The following ZBTB20 variants were observed in gnomAD, a reference collection of about 807,000 sequenced individuals.
The protein encoded by ZBTB20 is zinc finger and BTB domain-containing protein 20.
In ZBTB20, 9 loss-of-function variants were observed where a neutral mutation model predicts 56.9. The observed-to-expected ratio is 0.16, with a 90% CI of 0.10 to 0.28. The LOEUF (loss-of-function observed/expected upper bound fraction) is 0.28, where lower values mean the gene tolerates loss of function less well. ZBTB20 is among the 10% of genes least tolerant of loss of function. ZBTB20 has a pLI of 1.00. For synonymous variants in ZBTB20, 417 were observed against 420.7 expected (o/e 0.99, Z 0.11); for missense variants, 655 against 1,003.0 (o/e 0.65, Z 4.69).
chr3:114,532,539 G>T (rs937953017), intron 6 of ZBTB20, among the ~76,000 whole-genome samples: 2 of 152,182 alleles, frequency 1.3e-5, no homozygotes, highest in African/African-American at 2.4e-5. Flanking sequence ...GCACCTGGGG[G>T]AAGGGGCAGC....
chr3:114,794,773 T>TA lies in ZBTB20; in HGVS notation c.-343+6327dup, dbSNP rs550199045. Among the ~76,000 whole-genome samples the TA allele has an allele frequency of 7.2e-5, 11 of 152,090 alleles. No homozygotes were observed. The South Asian group carries it at 2.1e-3, about 29-fold the overall frequency. Reference sequence around the variant, plus strand: ...TACCATGTTATTAATGCATCATACTTAAAAAAAGCCTGGATTGTTCTTCAA... The same window carrying TA: ...TACCATGTTATTAATGCATCATACTTAAAAAAAAGCCTGGATTGTTCTTCAA... On this transcript the variant is annotated intron_variant, in intron 5 of 11. Coordinates refer to ENST00000675478, the MANE Select transcript of ZBTB20 (RefSeq NM_001348800.3).
rs1437476697 is a variant in ZBTB20, at chr3:114,321,976, A to C, written c.*17029T>G. The C allele has an allele frequency of 6.6e-6, 1 of 152,274 alleles. No homozygotes were observed. Among genetic ancestry groups the C allele is most frequent in the Non-Finnish European group, 1.5e-5 (1 of 68,060 alleles). The allele number at this position is 152,274 out of a possible 1,614,324, so 9.4% of individuals were successfully genotyped here. Reference sequence around the variant, plus strand: ...CACTATCACAACAGATCAGCCTCCAAGCATTTTCCTTGCCATGGGCATGGG... The same window carrying C: ...CACTATCACAACAGATCAGCCTCCACGCATTTTCCTTGCCATGGGCATGGG... On this transcript the variant is annotated 3_prime_UTR_variant, in exon 12 of 12. Transcript: ENST00000675478.
At chr3:114,777,083 T>C (rs992911971) in intron 5 of ZBTB20, among the ~76,000 whole-genome samples, 10 of 152,186 alleles carry the variant, frequency 6.6e-5, no homozygotes, top group African/African-American at 2.2e-4. Flanking sequence ...TTGGCACATA[T>C]ATACTGTATT....
intron 7 of ZBTB20, among the ~76,000 whole-genome samples, chr3:114,410,219 CT>C (rs933379750): frequency 1.0e-4 from 15 of 147,652 alleles, no homozygotes; most frequent in African/African-American, 1.5e-4. Context: ...AGTCAACCCA[CT>C]TTTTTTTTTT....
chr3:114,701,879 C>A (rs1414726773), intron 5 of ZBTB20, among the ~76,000 whole-genome samples: 2 of 152,168 alleles, frequency 1.3e-5, no homozygotes, highest in Admixed American at 1.3e-4. Context: ...CCTGTTTATT[C>A]ATATGCAAAT....
intron 3 of ZBTB20, among the ~76,000 whole-genome samples, chr3:114,961,693 C>T (rs559029189): frequency 6.6e-6 from 1 of 152,252 alleles, no homozygotes; most frequent in East Asian, 1.9e-4. Flanking sequence ...ATAATAAGAG[C>T]TTCCCAAAAT....
At chr3:114,429,141 GAACA>G (rs2089936074) in intron 7 of ZBTB20, among the ~76,000 whole-genome samples, 1 of 152,084 alleles carries the variant, frequency 6.6e-6, no homozygotes, top group Admixed American at 6.6e-5. Flanking sequence ...TTTGTTCAGT[GAACA>G]AACAGTTACT....
In ZBTB20 at chr3:114,404,234, C is replaced by T. The variant is rs141554631; in HGVS notation, c.-254-15129G>A. ...ATCAGACTTATGCCTAAGGTAATCA[C>T]GATCATTCTGGTACTAATAAAGATT... On this transcript the variant is annotated intron_variant, in intron 7 of 11. Coordinates refer to ENST00000675478, the MANE Select transcript of ZBTB20 (RefSeq NM_001348800.3). 2.0e-3 allele frequency among the ~76,000 whole-genome samples: 300 copies of T among 152,192 alleles called. 3 individuals are homozygous for T. The highest frequency in any genetic ancestry group is 2.4e-3 in the African/African-American group (98 of 41,536).
chr3:114,481,620 C>A (rs2041555923), intron 7 of ZBTB20, among the ~76,000 whole-genome samples: 1 of 152,222 alleles, frequency 6.6e-6, no homozygotes, highest in African/African-American at 2.4e-5. Context: ...CATCTCCAGT[C>A]CCAATGCATC....
chr3:114,476,168 T>C (rs1437450217), intron 7 of ZBTB20, among the ~76,000 whole-genome samples: 1 of 152,166 alleles, frequency 6.6e-6, no homozygotes, highest in Non-Finnish European at 1.5e-5. Flanking sequence ...TTCATAAACA[T>C]TTACTGGCTC....
chr3:114,744,485 T>A (rs917697738), intron 5 of ZBTB20, among the ~76,000 whole-genome samples: 1 of 151,940 alleles, frequency 6.6e-6, no homozygotes, highest in Non-Finnish European at 1.5e-5. Context: ...AAGCCCTCTA[T>A]CTTTTTACTG....
intron 7 of ZBTB20, among the ~76,000 whole-genome samples, chr3:114,497,124 A>C (rs1469274972): frequency 1.3e-5 from 2 of 152,204 alleles, no homozygotes; most frequent in Non-Finnish European, 2.9e-5. Context: ...GGAATTACAC[A>C]AAGGTTAATG....
At chr3:114,588,285 A>G (rs79574810) in intron 6 of ZBTB20, among the ~76,000 whole-genome samples, 2,699 of 152,288 alleles carry the variant, frequency 0.018, 84 homozygotes, top group African/African-American at 0.061. Flanking sequence ...CATGAGTCCC[A>G]TTCGTATGTA....
intron 5 of ZBTB20, among the ~76,000 whole-genome samples, chr3:114,751,224 G>A (rs1272494337): frequency 6.6e-6 from 1 of 152,080 alleles, no homozygotes; most frequent in African/African-American, 2.4e-5. Context: ...GGTTATTTCT[G>A]TTGTTCGCAG....
At chr3:114,759,653 C>G (rs1369107489) in intron 5 of ZBTB20, among the ~76,000 whole-genome samples, 1 of 152,024 alleles carries the variant, frequency 6.6e-6, no homozygotes, top group East Asian at 1.9e-4. Flanking sequence ...CAGATTTTCT[C>G]TTATCCTGCT....
chr3:114,588,871 G>T (rs1007274032), intron 6 of ZBTB20, among the ~76,000 whole-genome samples: 3 of 152,212 alleles, frequency 2.0e-5, no homozygotes, highest in Non-Finnish European at 4.4e-5. Context: ...ATAAAGAAAA[G>T]AAGTTTATAT....
intron 2 of ZBTB20, among the ~76,000 whole-genome samples, chr3:115,010,616 T>A (rs1279433621): frequency 2.0e-5 from 3 of 151,968 alleles, no homozygotes; most frequent in Admixed American, 2.0e-4. Context: ...AAAGTAGATA[T>A]TTCTTAGATC....
chr3:114,704,057 CT>C lies in ZBTB20; in HGVS notation c.-342-10483del, dbSNP rs1426457070. On this transcript the variant is annotated intron_variant, in intron 5 of 11. Transcript: ENST00000675478. Reference sequence around the variant, plus strand: ...CACAACACTACACAGCACCTAAAAACTTTCCTAAATCAAATAATTAACAGTA... The same window carrying C: ...CACAACACTACACAGCACCTAAAAACTTCCTAAATCAAATAATTAACAGTA... 2.0e-5 allele frequency among the ~76,000 whole-genome samples: 3 copies of C among 152,278 alleles called. No homozygotes were observed. The East Asian group carries it at 5.8e-4, about 29-fold the overall frequency.
chr3:114,368,968 A>G (rs1023401784), intron 10 of ZBTB20, among the ~76,000 whole-genome samples: 2 of 152,246 alleles, frequency 1.3e-5, no homozygotes, highest in African/African-American at 2.4e-5. Context: ...AATGACATGT[A>G]TCCTTTACCC....
Sources: allele counts gnomAD v4.1 joint callset (sites outside exome capture counted in the v4.1 genomes callset), GRCh38; gene constraint gnomAD v4.1.1; transcripts MANE v1.5; gene names NCBI Gene and HGNC (gene_info 2026-07-23, HGNC 2026-07-21).